Variants in MRPS5 observed in about 807,000 individuals in gnomAD.
The protein encoded by MRPS5 is mitochondrial ribosomal protein S5.
A neutral mutation model predicts 51.9 loss-of-function variants in MRPS5; 27 were observed. That is an observed-to-expected ratio of 0.52 (90% CI 0.38 to 0.72). The LOEUF (loss-of-function observed/expected upper bound fraction) is 0.72, where lower values mean the gene tolerates loss of function less well. Among genes scored for constraint, MRPS5 ranks in the 30% least tolerant of loss-of-function variants. The pLI, the probability that MRPS5 is intolerant of heterozygous loss-of-function variation, is 0.00. For synonymous variants in MRPS5, 196 were observed against 193.2 expected, an observed-to-expected ratio of 1.01 and a Z score of -0.12; for missense variants, 570 against 545.7, an observed-to-expected ratio of 1.04 and a Z score of -0.44.
chr2:95,107,250 G>A (rs1449396439), intron 5 of MRPS5, among the ~76,000 whole-genome samples: 3 of 152,118 alleles, frequency 2.0e-5, no homozygotes, highest in African/African-American at 7.2e-5. Context: ...CTACCTTTTC[G>A]TAAAGAAATA....
Position 95,087,259 on chromosome 2 carries a change from A to G in MRPS5, c.*98T>C, listed in dbSNP as rs1675318030. The G allele has an allele frequency of 1.1e-6, 1 of 897,262 alleles. No individual in the cohort carries two copies. The highest frequency in any genetic ancestry group is 2.6e-5 in the Admixed American group (1 of 37,852). 55.6% of individuals were successfully genotyped at this position (897,262 alleles called of 1,614,324 possible). ...GAGTTTAAAGATTAAACTTCCCTCA[A>G]AACAAACAAAAGGCAAGGTAACATC... On this transcript the variant is annotated 3_prime_UTR_variant, in exon 12 of 12. Transcript: ENST00000272418.
At chr2:95,095,216 A>G (rs1390171188) in intron 10 of MRPS5, among the ~76,000 whole-genome samples, 2 of 152,352 alleles carry the variant, frequency 1.3e-5, no homozygotes, top group Non-Finnish European at 2.9e-5. Context: ...GAGCACCCAG[A>G]TTCATAAAGC....
At chr2:95,121,885 G>A, upstream of MRPS5, 5 of 1,361,126 alleles carry the variant, frequency 3.7e-6, no homozygotes, top group South Asian at 4.3e-5. Context: ...GCCTTGGGCC[G>A]CAGCGGAATT....
At chr2:95,114,512 C>A (rs938629027) in intron 3 of MRPS5, among the ~76,000 whole-genome samples, 2 of 152,048 alleles carry the variant, frequency 1.3e-5, no homozygotes. Flanking sequence ...ACCTTGTGAT[C>A]GACCCGTCTC....
chr2:95,086,200 G>A lies in MRPS5; in HGVS notation c.*1157C>T, dbSNP rs1201197975. Among the ~76,000 whole-genome samples the A allele has an allele frequency of 2.0e-5, 3 of 152,170 alleles. No homozygotes were observed. The highest frequency in any genetic ancestry group is 2.1e-4 in the South Asian group (1 of 4,820). On this transcript the variant is annotated 3_prime_UTR_variant, in exon 12 of 12. Coordinates refer to ENST00000272418, the MANE Select transcript of MRPS5 (RefSeq NM_031902.5). ...TTCACAAAGTGCTGGGGTTATAGGC[G>A]TGAGCCACCACACCTACCTGATGAC...
chr2:95,110,786 C>T (rs775204646), intron 3 of MRPS5, among the ~76,000 whole-genome samples: 85 of 152,128 alleles, frequency 5.6e-4, no homozygotes, highest in Non-Finnish European at 9.9e-4. Flanking sequence ...CAGAGTGAGA[C>T]CCTGCCTTCA....
chr2:95,098,079 C>T (rs1230356717), intron 10 of MRPS5, among the ~76,000 whole-genome samples: 1 of 152,158 alleles, frequency 6.6e-6, no homozygotes, highest in African/African-American at 2.4e-5. Context: ...ATTTATGCAG[C>T]CAACAGACAC....
chr2:95,121,545 T>G (rs1676450077), intron 1 of MRPS5, among the ~76,000 whole-genome samples, 189 bp downstream of exon 1: 1 of 152,120 alleles, frequency 6.6e-6, no homozygotes, highest in Admixed American at 6.5e-5. Context: ...AGACAAGAGC[T>G]CCGCGACCCA....
At position 95,107,236 on chromosome 2, in the gene MRPS5, T is replaced by C. The variant is rs72942292; in HGVS notation, c.638-779A>G. Among the ~76,000 whole-genome samples the C allele has an allele frequency of 4.2e-3, 646 of 152,344 alleles. 6 individuals carry two copies. Among genetic ancestry groups the C allele is most frequent in the African/African-American group, 0.015 (611 of 41,570 alleles). The stretch of plus-strand genomic sequence containing the variant: ...TGGATAATTTGAAGCCAGTTTCAGA[T>C]ACTCTACCTTTTCGTAAAGAAATAA... On this transcript the variant is annotated intron_variant, in intron 5 of 11. Transcript: ENST00000272418.
At chr2:95,110,201 G>C (rs141790793) in intron 3 of MRPS5, among the ~76,000 whole-genome samples, 160 bp from the exon 4 acceptor site, 12 of 152,180 alleles carry the variant, frequency 7.9e-5, no homozygotes, top group Admixed American at 2.0e-4. Flanking sequence ...GCACACATCA[G>C]ACGGTTACAC....
chr2:95,098,603 C>T (rs1288693058), intron 10 of MRPS5, among the ~76,000 whole-genome samples: 5 of 152,056 alleles, frequency 3.3e-5, no homozygotes, highest in East Asian at 1.9e-4. Context: ...AACCAAACAC[C>T]GCATGTTCTC....
chr2:95,109,397 C>T (rs781604744), intron 4 of MRPS5, among the ~76,000 whole-genome samples: 3 of 152,164 alleles, frequency 2.0e-5, no homozygotes, highest in Admixed American at 6.5e-5. Context: ...TAAACAATCA[C>T]GTGTTCTGGG....
intron 10 of MRPS5, chr2:95,092,523 C>T (rs1200239447): frequency 2.6e-5 from 4 of 152,082 alleles, no homozygotes; most frequent in Admixed American, 1.3e-4. Context: ...TATTTGTACA[C>T]GTATGTACAA....
chr2:95,119,567 G>GT (rs1335819490), intron 1 of MRPS5, among the ~76,000 whole-genome samples: 1 of 151,128 alleles, frequency 6.6e-6, no homozygotes, highest in Admixed American at 6.6e-5. Flanking sequence ...AGCTGCAACT[G>GT]TGCCACTGCA....
chr2:95,109,892 A>G (rs1185699714), intron 4 of MRPS5, 24 bp downstream of exon 4: 2 of 1,599,852 alleles, frequency 1.3e-6, no homozygotes, highest in Admixed American at 1.8e-5. Context: ...AAAGCACTTT[A>G]GCTATTTTTA....
chr2:95,085,624 A>ACTTCCAGC lies in MRPS5; in HGVS notation c.*1725_*1732dup, dbSNP rs1409566228. Among the ~76,000 whole-genome samples, 1 of 152,140 alleles carries ACTTCCAGC rather than the reference A, an allele frequency of 6.6e-6. No individual in the cohort carries two copies. The highest frequency in any genetic ancestry group is 1.5e-5 in the Non-Finnish European group (1 of 68,016). ...ACGGTGCCATTAGGGTGCTCCTCCT[A>ACTTCCAGC]CTTCCAGCAGAAAGGCCTCAGCAGA... On this transcript the variant is annotated 3_prime_UTR_variant, in exon 12 of 12. Transcript: ENST00000272418.
intron 10 of MRPS5, among the ~76,000 whole-genome samples, chr2:95,099,129 A>C (rs1243130558): frequency 6.6e-6 from 1 of 151,680 alleles, no homozygotes; most frequent in Admixed American, 6.6e-5. Context: ...CATGTCAGCC[A>C]AGATGGTCTC....
chr2:95,121,861 T>C, upstream of MRPS5: 3 of 1,459,888 alleles, frequency 2.1e-6, no homozygotes, highest in Non-Finnish European at 2.7e-6. Flanking sequence ...CGACTGCTCC[T>C]CGTCAAACGG....
chr2:95,098,661 G>A (rs1232435639), intron 10 of MRPS5, among the ~76,000 whole-genome samples: 2 of 151,540 alleles, frequency 1.3e-5, no homozygotes, highest in Non-Finnish European at 2.9e-5. Flanking sequence ...CACAGGGTGG[G>A]GAACATCACA....
Sources: allele counts gnomAD v4.1 joint callset (sites outside exome capture counted in the v4.1 genomes callset), GRCh38; gene constraint gnomAD v4.1.1; transcripts MANE v1.5; gene names NCBI Gene and HGNC (gene_info 2026-07-23, HGNC 2026-07-21).